The following NCKAP5 variants were observed in gnomAD, a reference collection of about 807,000 sequenced individuals.
The protein encoded by NCKAP5 is nck-associated protein 5.
Under a neutral mutation model 167.0 loss-of-function variants are expected in NCKAP5, and 92 were observed. That is an observed-to-expected ratio of 0.55 (90% CI 0.47 to 0.66). NCKAP5 has a LOEUF of 0.66. Among genes scored for constraint, NCKAP5 ranks in the 30% least tolerant of loss-of-function variants. The pLI is 0.00. For synonymous variants in NCKAP5, 891 were observed against 877.4 expected (o/e 1.02, Z -0.27); for missense variants, 2,378 against 2,315.0 (o/e 1.03, Z -0.56).
intron 16 of NCKAP5, among the ~76,000 whole-genome samples, chr2:132,746,058 TA>T (rs1273929765): frequency 6.6e-6 from 1 of 151,878 alleles, no homozygotes; most frequent in African/African-American, 2.4e-5. Context: ...GGTTTTTTTT[TA>T]AAAAAAGACG....
intron 7 of NCKAP5, among the ~76,000 whole-genome samples, chr2:132,990,689 C>T (rs2077424726): frequency 6.6e-6 from 1 of 152,092 alleles, no homozygotes; most frequent in African/African-American, 2.4e-5. Context: ...GAGAGATAGA[C>T]TGGAAAGATA....
At chr2:133,499,114 G>A (rs969760924) in intron 3 of NCKAP5, among the ~76,000 whole-genome samples, 4 of 152,152 alleles carry the variant, frequency 2.6e-5, no homozygotes, top group South Asian at 2.1e-4. Context: ...TCTGGACTGC[G>A]GCTGCCAGAT....
intron 8 of NCKAP5, among the ~76,000 whole-genome samples, chr2:132,944,810 A>G (rs1424621754): frequency 2.0e-5 from 3 of 152,172 alleles, no homozygotes; most frequent in African/African-American, 4.8e-5. Context: ...GACATTGTGA[A>G]CATGTCATAG....
chr2:133,447,178 G>A lies in NCKAP5; in HGVS notation c.69+70280C>T, dbSNP rs550230511. 7.9e-5 allele frequency among the ~76,000 whole-genome samples: 12 copies of A among 152,118 alleles called. No individual in the cohort carries two copies. In the East Asian group the frequency reaches 2.3e-3, roughly 30 times the overall value. ...CCGCCATCAATTCACTGCCCTTCCCGCAACCAAGCAGTCAGTAGCAGGAAA... is the reference window on the plus strand; with the variant it reads ...CCGCCATCAATTCACTGCCCTTCCCACAACCAAGCAGTCAGTAGCAGGAAA... On this transcript the variant is annotated intron_variant, in intron 3 of 19. Transcript: ENST00000409261.
chr2:133,102,118 A>AT (rs1212026320), intron 6 of NCKAP5, among the ~76,000 whole-genome samples: 13 of 149,742 alleles, frequency 8.7e-5, no homozygotes, highest in African/African-American at 2.7e-4. Context: ...TAATACACTG[A>AT]TTTTTTCTTT....
chr2:132,913,126 C>T (rs1299671820), intron 8 of NCKAP5, among the ~76,000 whole-genome samples: 3 of 151,842 alleles, frequency 2.0e-5, no homozygotes, highest in Non-Finnish European at 4.4e-5. Context: ...CTATGATATG[C>T]CCTGGTGATC....
chr2:133,260,520 C>T (rs1281558073), intron 4 of NCKAP5, among the ~76,000 whole-genome samples: 1 of 152,150 alleles, frequency 6.6e-6, no homozygotes, highest in African/African-American at 2.4e-5. Context: ...GATAGCCCTA[C>T]ATGATTCTTC....
chr2:133,650,897 C>CA, the NCKAP5 span, among the ~76,000 whole-genome samples: 3 of 151,130 alleles, frequency 2.0e-5, no homozygotes, highest in Non-Finnish European at 3.0e-5. Flanking sequence ...AACAAACAAA[C>CA]AAAAAAAAGG....
chr2:132,847,025 T>C (rs554860150), intron 11 of NCKAP5, among the ~76,000 whole-genome samples: 2 of 152,314 alleles, frequency 1.3e-5, no homozygotes, highest in African/African-American at 4.8e-5. Context: ...TTTCATGCCA[T>C]GCAAATATTG....
rs2081696260 is a variant in NCKAP5, at chr2:133,106,305, A to AAAAAAAT, written c.341+23672_341+23673insATTTTTT. Among the ~76,000 whole-genome samples the AAAAAAAT allele has an allele frequency of 3.3e-5, 5 of 151,794 alleles. No homozygotes were observed. In the South Asian group the frequency reaches 1.0e-3, roughly 32 times the overall value. On this transcript the variant is annotated intron_variant, in intron 6 of 19. Coordinates refer to ENST00000409261, the MANE Select transcript of NCKAP5 (RefSeq NM_207363.3). ...CAGACTCCGTCTCAAAAAAAAAAAA[A>AAAAAAAT]AAAAAAGGAAAACTACAGGAAGCTG...
At chr2:133,336,193 C>T (rs1250509057) in intron 3 of NCKAP5, among the ~76,000 whole-genome samples, 7 of 152,154 alleles carry the variant, frequency 4.6e-5, no homozygotes, top group Admixed American at 3.9e-4. Flanking sequence ...CTTGAGTGTG[C>T]CTGGTGTTAA....
rs548275602 is a variant in NCKAP5 at position 133,249,206 on chromosome 2, G to C, written c.144-35427C>G. On this transcript the variant is annotated intron_variant, in intron 4 of 19. Transcript: ENST00000409261. ...GGTGTAACTAAGTTAAAGATCTTGA[G>C]ATGGGGAAGTTATCCTGGATTTTTT... Among the ~76,000 whole-genome samples, 39 of 152,296 alleles carry C rather than the reference G, an allele frequency of 2.6e-4. 1 individual carries two copies. In the South Asian group the frequency reaches 8.1e-3, roughly 32 times the overall value.
At chr2:133,155,076 A>C (rs1001588475) in intron 5 of NCKAP5, among the ~76,000 whole-genome samples, 6 of 152,170 alleles carry the variant, frequency 3.9e-5, no homozygotes, top group African/African-American at 1.4e-4. Context: ...GCAGGAGCAG[A>C]ACACCTTCCA....
At chr2:133,615,561 T>G in the NCKAP5 span, among the ~76,000 whole-genome samples, 1 of 152,122 alleles carries the variant, frequency 6.6e-6, no homozygotes, top group Non-Finnish European at 1.5e-5. Flanking sequence ...AGAAGGCCAT[T>G]ACATAATGGT....
At chr2:132,952,086 C>A (rs1470328667) in intron 8 of NCKAP5, among the ~76,000 whole-genome samples, 1 of 152,162 alleles carries the variant, frequency 6.6e-6, no homozygotes, top group Non-Finnish European at 1.5e-5. Context: ...AGCCAGCCAG[C>A]TTTCAGTTTC....
intron 5 of NCKAP5, among the ~76,000 whole-genome samples, chr2:133,189,566 C>T (rs1444862086): frequency 6.6e-6 from 1 of 152,136 alleles, no homozygotes; most frequent in African/African-American, 2.4e-5. Flanking sequence ...TCCATCAGCA[C>T]ATCAAAAAGC....
chr2:133,664,429 C>T, the NCKAP5 span, among the ~76,000 whole-genome samples: 29 of 152,308 alleles, frequency 1.9e-4, no homozygotes, highest in African/African-American at 7.0e-4. Flanking sequence ...TTCTCCTCTA[C>T]AGCTTGAAAG....
intron 8 of NCKAP5, among the ~76,000 whole-genome samples, chr2:132,881,288 C>A (rs999852130): frequency 6.6e-6 from 1 of 152,088 alleles, no homozygotes; most frequent in Admixed American, 6.5e-5. Context: ...GATTCTCCTG[C>A]CTCAGCCTCC....
At chr2:133,468,592 T>G (rs1692788478) in intron 3 of NCKAP5, among the ~76,000 whole-genome samples, 1 of 152,190 alleles carries the variant, frequency 6.6e-6, no homozygotes, top group East Asian at 1.9e-4. Flanking sequence ...CGTTGATCTG[T>G]CTAATGCTGA....
Sources: gnomAD v4.1 joint callset for allele counts (sites outside exome capture counted in the v4.1 genomes callset) on GRCh38, gnomAD v4.1.1 for gene constraint, MANE v1.5 for transcripts, NCBI Gene and HGNC (gene_info 2026-07-23, HGNC 2026-07-21) for gene names.